Variants in COX7B2 observed in about 807,000 individuals in gnomAD.
The protein encoded by COX7B2 is cytochrome c oxidase subunit 7B2, mitochondrial.
For missense variants in COX7B2, 109 were observed against 95.9 expected (o/e 1.14, Z -0.57); for synonymous variants, 37 against 32.1 (o/e 1.15, Z -0.51).
intron 1 of COX7B2, among the ~76,000 whole-genome samples, chr4:46,858,451 C>T (rs1717137092): frequency 6.6e-6 from 1 of 151,968 alleles, no homozygotes; most frequent in African/African-American, 2.4e-5. Flanking sequence ...ATGTTGGTTT[C>T]AGGCCGTTTT....
intron 2 of COX7B2, among the ~76,000 whole-genome samples, chr4:46,759,967 G>A (rs1008712192): frequency 1.6e-4 from 24 of 150,910 alleles, no homozygotes; most frequent in African/African-American, 4.9e-4. Context: ...AGTTATATAC[G>A]CCTTATCTTA....
At chr4:46,751,787 A>G (rs1008744456) in intron 2 of COX7B2, among the ~76,000 whole-genome samples, 2 of 150,540 alleles carry the variant, frequency 1.3e-5, no homozygotes, top group African/African-American at 2.4e-5. Flanking sequence ...AGAAATCAGG[A>G]GCCAATACCA....
chr4:46,880,003 T>C (rs1443246523), intron 1 of COX7B2, among the ~76,000 whole-genome samples: 3 of 152,068 alleles, frequency 2.0e-5, no homozygotes, highest in African/African-American at 2.4e-5. Context: ...TGAATAGAAG[T>C]GGTGAGAGAG....
At chr4:46,770,501 T>C (rs1716812281) in intron 2 of COX7B2, among the ~76,000 whole-genome samples, 1 of 152,134 alleles carries the variant, frequency 6.6e-6, no homozygotes, top group African/African-American at 2.4e-5. Flanking sequence ...CTAAAATTCA[T>C]ATGGAACCAT....
At chr4:46,767,437 A>G (rs1716610018) in intron 2 of COX7B2, among the ~76,000 whole-genome samples, 1 of 152,200 alleles carries the variant, frequency 6.6e-6, no homozygotes. Context: ...ACTTTCAACA[A>G]TGGATCATCC....
At chr4:46,782,676 A>G (rs73139371) in intron 2 of COX7B2, among the ~76,000 whole-genome samples, 3,187 of 152,292 alleles carry the variant, frequency 0.021, 98 homozygotes, top group African/African-American at 0.072. Flanking sequence ...AAGAGCTGTA[A>G]CACTCACCAT....
chr4:46,837,757 G>A (rs1053518146), intron 2 of COX7B2, among the ~76,000 whole-genome samples: 1 of 151,948 alleles, frequency 6.6e-6, no homozygotes, highest in African/African-American at 2.4e-5. Context: ...ATCCCTGAGA[G>A]GTTTTTTGGT....
chr4:46,783,765 G>A (rs527556228), intron 2 of COX7B2, among the ~76,000 whole-genome samples: 9 of 152,086 alleles, frequency 5.9e-5, no homozygotes, highest in African/African-American at 9.6e-5. Context: ...GAAAGGAAAG[G>A]GAAGAAAGAA....
chr4:46,849,626 A>G (rs1381207080), intron 1 of COX7B2, among the ~76,000 whole-genome samples: 2 of 152,148 alleles, frequency 1.3e-5, no homozygotes, highest in Non-Finnish European at 2.9e-5. Flanking sequence ...TTACAGCTAA[A>G]TAAGGTATTA....
At chr4:46,886,544 A>G (rs1465839864) in intron 1 of COX7B2, among the ~76,000 whole-genome samples, 2 of 152,172 alleles carry the variant, frequency 1.3e-5, no homozygotes, top group East Asian at 3.8e-4. Context: ...TATTCTCACA[A>G]GTATAATTAA....
intron 1 of COX7B2, among the ~76,000 whole-genome samples, chr4:46,871,052 A>G (rs2109823607): frequency 6.6e-6 from 1 of 152,302 alleles, no homozygotes; most frequent in Admixed American, 6.5e-5. Context: ...CTAAGCAAAA[A>G]GAACAAAGCT....
intron 1 of COX7B2, among the ~76,000 whole-genome samples, chr4:46,879,148 G>A (rs943472375): frequency 2.0e-5 from 3 of 151,648 alleles, no homozygotes; most frequent in Admixed American, 6.6e-5. Context: ...TTTTGAGACA[G>A]GATCTTACTC....
chr4:46,854,601 A>C (rs1013642269), intron 1 of COX7B2, among the ~76,000 whole-genome samples: 9 of 152,226 alleles, frequency 5.9e-5, no homozygotes, highest in African/African-American at 1.4e-4. Flanking sequence ...CTTAACACAC[A>C]GTAGACACTA....
rs114856396 is a variant in COX7B2, at chr4:46,833,511, T to A, written c.-50+11449A>T. ...ATAGCCCAAATGCAGGTTACTAGCATTCATATACTTTTTGATGTAAGATTC... is the reference window on the plus strand; with the variant it reads ...ATAGCCCAAATGCAGGTTACTAGCAATCATATACTTTTTGATGTAAGATTC... On this transcript the variant is annotated intron_variant, in intron 2 of 2. Transcript: ENST00000355591. 4.5e-3 allele frequency among the ~76,000 whole-genome samples: 681 copies of A among 152,264 alleles called. 6 individuals are homozygous for A. Among genetic ancestry groups the A allele is most frequent in the African/African-American group, 0.016 (660 of 41,556 alleles).
chr4:46,810,195 C>T (rs1163480512), intron 2 of COX7B2, among the ~76,000 whole-genome samples: 2 of 151,980 alleles, frequency 1.3e-5, no homozygotes, highest in Non-Finnish European at 2.9e-5. Flanking sequence ...TTCAGCCACT[C>T]TGTGTTGAAT....
intron 1 of COX7B2, among the ~76,000 whole-genome samples, chr4:46,878,645 G>C (rs1013532517): frequency 3.9e-5 from 6 of 152,070 alleles, no homozygotes; most frequent in African/African-American, 1.4e-4. Context: ...AAATATGTTG[G>C]CTGTAAAGTG....
intron 2 of COX7B2, among the ~76,000 whole-genome samples, chr4:46,768,840 A>G (rs1716702215): frequency 6.6e-6 from 1 of 152,146 alleles, no homozygotes; most frequent in South Asian, 2.1e-4. Flanking sequence ...TATACCCACT[A>G]AAAAGAGACT....
chr4:46,890,210 A>G lies in COX7B2; in HGVS notation c.-105+18950T>C, dbSNP rs1002272942. 1.3e-4 allele frequency among the ~76,000 whole-genome samples: 20 copies of G among 152,224 alleles called. 1 individual carries two copies. The highest frequency in any genetic ancestry group is 4.8e-4 in the African/African-American group (20 of 41,478). The stretch of plus-strand genomic sequence containing the variant: ...AAAGTAAGTCTAGGCCTTCCTTAGT[A>G]CATGCTATGTTTGCATAATCACAAG... On this transcript the variant is annotated intron_variant, in intron 1 of 2. Coordinates refer to ENST00000355591, the MANE Select transcript of COX7B2 (RefSeq NM_130902.3).
At chr4:46,778,368 CAT>C (rs1349971351) in intron 2 of COX7B2, among the ~76,000 whole-genome samples, 1 of 152,082 alleles carries the variant, frequency 6.6e-6, no homozygotes, top group Non-Finnish European at 1.5e-5. Context: ...ATGACAATAA[CAT>C]GTAGTCAGCA....
Sources: allele counts gnomAD v4.1 joint callset (sites outside exome capture counted in the v4.1 genomes callset), GRCh38; gene constraint gnomAD v4.1.1; transcripts MANE v1.5; gene names NCBI Gene and HGNC (gene_info 2026-07-23, HGNC 2026-07-21).